SPATA13: variants seen among roughly 807,000 people sequenced by gnomAD.
The protein encoded by SPATA13 is spermatogenesis-associated protein 13.
Under a neutral mutation model 104.0 loss-of-function variants are expected in SPATA13, and 50 were observed. The observed-to-expected ratio is 0.48, with a 90% confidence interval of 0.38 to 0.61. The LOEUF (loss-of-function observed/expected upper bound fraction) is 0.61. SPATA13 is among the 20% of genes least tolerant of loss of function. The pLI is 0.00. For missense variants in SPATA13, 1,524 were observed against 1,690.6 expected (o/e 0.90, Z 1.73); for synonymous variants, 606 against 667.5 (o/e 0.91, Z 1.42).
chr13:24,247,809 G>A (rs888927922), intron 2 of SPATA13, among the ~76,000 whole-genome samples: 17 of 152,080 alleles, frequency 1.1e-4, no homozygotes, highest in African/African-American at 4.1e-4. Context: ...ATGGCACGTG[G>A]CCTCAGTGAG....
chr13:24,221,345 T>C (rs1871575166), intron 1 of SPATA13, among the ~76,000 whole-genome samples: 1 of 152,244 alleles, frequency 6.6e-6, no homozygotes. Context: ...TACTTAAAAG[T>C]TGGTAGTCTT....
intron 2 of SPATA13, among the ~76,000 whole-genome samples, chr13:24,226,528 AAC>A (rs1466684645): frequency 6.6e-6 from 1 of 152,180 alleles, no homozygotes; most frequent in African/African-American, 2.4e-5. Flanking sequence ...TCACTTTATA[AAC>A]ACTGAGTAAT....
chr13:24,282,166 G>T (rs1023997098), intron 4 of SPATA13, among the ~76,000 whole-genome samples: 5 of 151,850 alleles, frequency 3.3e-5, no homozygotes, highest in African/African-American at 9.7e-5. Flanking sequence ...GCATGATGGT[G>T]GGGGGTGGGA....
In SPATA13 at chr13:24,114,384, C is replaced by T. The variant is rs148566534; in HGVS notation, c.-112+96683C>T. Among the ~76,000 whole-genome samples, 264 of 152,276 alleles carry T rather than the reference C, an allele frequency of 1.7e-3. 1 individual carries two copies. In the South Asian group the frequency reaches 0.025, roughly 15 times the overall value. On this transcript the variant is annotated intron_variant, in intron 3 of 14. Coordinates refer to the SPATA13 transcript ENST00000424834. ...GTGTGCCTGCATGTGTGCACATGCG[C>T]GTGTGTGTGCATGTGTGCACACATG...
upstream of SPATA13, chr13:24,160,612 GGCCTGAGGGAGTGA>G (rs1232399534): frequency 1.7e-6 from 1 of 603,398 alleles, no homozygotes; most frequent in African/African-American, 2.0e-5. Context: ...CCGAGGGTGT[GGCCTGAGGGAGTGA>G]GCTAACCGGG....
At chr13:24,007,012 C>A (rs189629528) in intron 2 of SPATA13, among the ~76,000 whole-genome samples, 1 of 152,152 alleles carries the variant, frequency 6.6e-6, no homozygotes. Context: ...GTGGAGCCCC[C>A]TTTCCTCTAG....
At position 24,194,946 on chromosome 13, in the gene SPATA13, G is replaced by A. The variant is rs149934184; in HGVS notation, c.-111-27873G>A. ...GGAAGTGGACGATACAACTTTTTAA[G>A]CTTTATTAAGATACAATTTAAATAC... On this transcript the variant is annotated intron_variant, in intron 1 of 12. Transcript: ENST00000382108. Among the ~76,000 whole-genome samples the A allele has an allele frequency of 4.6e-5, 7 of 152,288 alleles. No homozygotes were observed. In the East Asian group the frequency reaches 1.4e-3, roughly 29 times the overall value.
At chr13:24,221,346 T>G (rs982676212) in intron 1 of SPATA13, among the ~76,000 whole-genome samples, 4 of 152,238 alleles carry the variant, frequency 2.6e-5, no homozygotes, top group Admixed American at 2.0e-4. Context: ...ACTTAAAAGT[T>G]GGTAGTCTTT....
At chr13:24,191,654 C>T (rs758596725) in intron 1 of SPATA13, among the ~76,000 whole-genome samples, 13 of 151,680 alleles carry the variant, frequency 8.6e-5, no homozygotes, top group Non-Finnish European at 1.5e-4. Context: ...GGACTACAGG[C>T]GCCCGCCACC....
chr13:24,198,680 A>G (rs1400204817), intron 1 of SPATA13, among the ~76,000 whole-genome samples: 1 of 152,194 alleles, frequency 6.6e-6, no homozygotes, highest in African/African-American at 2.4e-5. Context: ...TTTGTTTGGT[A>G]GTCTCTTTTT....
In SPATA13 at chr13:24,302,799, G is replaced by A. The variant is rs1877302595; in HGVS notation, c.*26G>A. 1 of 1,613,850 alleles carries A rather than the reference G, an allele frequency of 6.2e-7. No individual in the cohort carries two copies. Among genetic ancestry groups the A allele is most frequent in the Non-Finnish European group, 8.5e-7 (1 of 1,179,950 alleles). Reference sequence around the variant, plus strand: ...AAACAGGAGGCTGTGCTTCCATGGAGCTGGGTGTCAAGAGAAGAACTGTCT... The same window carrying A: ...AAACAGGAGGCTGTGCTTCCATGGAACTGGGTGTCAAGAGAAGAACTGTCT... On this transcript the variant is annotated 3_prime_UTR_variant, in exon 13 of 13. Coordinates refer to ENST00000382108, the MANE Select transcript of SPATA13 (RefSeq NM_001166271.3).
At chr13:24,016,246 C>T (rs978312587) in intron 2 of SPATA13, among the ~76,000 whole-genome samples, 3 of 152,156 alleles carry the variant, frequency 2.0e-5, no homozygotes, top group Non-Finnish European at 2.9e-5. Flanking sequence ...CCTGCCCACC[C>T]CTGGAGTGCT....
In SPATA13 at chr13:24,056,455, A is replaced by G. The variant is rs75702786; in HGVS notation, c.-112+38754A>G. The stretch of plus-strand genomic sequence containing the variant: ...CATTTCCATACAAGACATATGATGG[A>G]TTAGATGCTCACCTTACATGCTCCC... On this transcript the variant is annotated intron_variant, in intron 3 of 14. Coordinates refer to the SPATA13 transcript ENST00000424834. 8.4e-3 allele frequency among the ~76,000 whole-genome samples: 1,281 copies of G among 152,320 alleles called. 31 individuals are homozygous for G. Among genetic ancestry groups the G allele is most frequent in the African/African-American group, 0.029 (1,189 of 41,566 alleles).
In SPATA13 at chr13:24,249,473, A is replaced by G; in HGVS notation, c.1654-4A>G. 6.5e-7 allele frequency: 1 copy of G among 1,542,472 alleles called. No individual in the cohort carries two copies. Among genetic ancestry groups the G allele is most frequent in the Non-Finnish European group, 8.8e-7 (1 of 1,141,912 alleles). Reference sequence around the variant, plus strand: ...AGCTCACCTGACCTGTTCGCATTTGAAAGGTCGTCCCTGATGGCCCCTGGA... The same window carrying G: ...AGCTCACCTGACCTGTTCGCATTTGGAAGGTCGTCCCTGATGGCCCCTGGA... On this transcript the variant is annotated splice_region_variant and splice_polypyrimidine_tract_variant and intron_variant, in intron 2 of 12. Transcript: ENST00000382108.
At chr13:24,021,216 G>A (rs1876959523) in intron 3 of SPATA13, among the ~76,000 whole-genome samples, 1 of 152,238 alleles carries the variant, frequency 6.6e-6, no homozygotes, top group Admixed American at 6.5e-5. Flanking sequence ...GCATTTCTGG[G>A]AGTTGACAGA....
intron 3 of SPATA13, among the ~76,000 whole-genome samples, chr13:24,135,697 C>G (rs1215700511): frequency 1.2e-5 from 1 of 82,328 alleles, no homozygotes; most frequent in Admixed American, 1.4e-4. Flanking sequence ...GAATCCGTCT[C>G]AAAAAAAAAA....
chr13:24,261,065 G>C (rs563598284), intron 4 of SPATA13, among the ~76,000 whole-genome samples: 198 of 152,322 alleles, frequency 1.3e-3, no homozygotes, highest in African/African-American at 4.4e-3. Flanking sequence ...CTAAGTTCAG[G>C]CTGCCTGGGA....
In SPATA13 at chr13:24,304,407, A is replaced by G. The variant is rs148245449; in HGVS notation, c.*1634A>G. On this transcript the variant is annotated 3_prime_UTR_variant, in exon 13 of 13. Transcript: ENST00000382108. ...CCCTGGACAGGAGATGCTGTGTTAA[A>G]CTGTTAATGGATATCTATATGAGAA... is the stretch of plus-strand genomic sequence containing the variant. 6.6e-6 allele frequency: 1 copy of G among 151,952 alleles called. No individual in the cohort carries two copies. The highest frequency in any genetic ancestry group is 2.4e-5 in the African/African-American group (1 of 41,462). 9.4% of individuals were successfully genotyped at this position (151,952 alleles called of 1,614,324 possible).
At chr13:24,106,097 A>G (rs965835328) in intron 3 of SPATA13, among the ~76,000 whole-genome samples, 2 of 152,140 alleles carry the variant, frequency 1.3e-5, no homozygotes, top group Non-Finnish European at 2.9e-5. Context: ...GCAGTGGCAC[A>G]ATCATGGCTC....
Sources: gnomAD v4.1 joint callset for allele counts (sites outside exome capture counted in the v4.1 genomes callset) on GRCh38, gnomAD v4.1.1 for gene constraint, MANE v1.5 for transcripts, NCBI Gene and HGNC (gene_info 2026-07-23, HGNC 2026-07-21) for gene names.